The following CNOT8 variants were observed in gnomAD, a reference collection of about 807,000 sequenced individuals.
CNOT8 encodes the protein CCR4-NOT transcription complex subunit 8, also known as CAF1-like protein.
A neutral mutation model predicts 34.6 loss-of-function variants in CNOT8; 18 were observed. The observed-to-expected ratio is 0.52, with a 90% CI of 0.36 to 0.77. The LOEUF (loss-of-function observed/expected upper bound fraction) is 0.77. Ranked by LOEUF, CNOT8 falls within the 30% of genes least tolerant of loss-of-function variation. The probability of loss-of-function intolerance (pLI) is 0.00; values close to 1 mark genes in which losing one functional copy is unlikely to be tolerated. For synonymous variants in CNOT8, 101 were observed against 118.8 expected, an observed-to-expected ratio of 0.85 and a Z score of 0.98; for missense variants, 189 against 347.9, an observed-to-expected ratio of 0.54 and a Z score of 3.63.
chr5:154,863,494 A>G (rs1561678739), intron 2 of CNOT8, 99 bp downstream of exon 2: 11 of 834,718 alleles, frequency 1.3e-5, no homozygotes, highest in Non-Finnish European at 2.1e-5. Context: ...CACAGATGCA[A>G]TCATAGCTCA....
At chr5:154,870,240 T>G (rs76994491) in intron 3 of CNOT8, among the ~76,000 whole-genome samples, 1 of 141,438 alleles carries the variant, frequency 7.1e-6, no homozygotes, top group African/African-American at 2.8e-5. Flanking sequence ...GTGTGTGTTG[T>G]TTTTTTTTTG....
At chr5:154,868,179 C>T (rs771001557) in intron 3 of CNOT8, among the ~76,000 whole-genome samples, 12 of 151,936 alleles carry the variant, frequency 7.9e-5, no homozygotes, top group Non-Finnish European at 1.5e-4. Flanking sequence ...CCTTGTGATC[C>T]GCCCGCCTTG....
intron 1 of CNOT8, among the ~76,000 whole-genome samples, chr5:154,860,478 T>C (rs1005595633): frequency 6.6e-6 from 1 of 152,106 alleles, no homozygotes; most frequent in Non-Finnish European, 1.5e-5. Flanking sequence ...GGCTAAGTTT[T>C]TGTACTTTTT....
intron 4 of CNOT8, among the ~76,000 whole-genome samples, chr5:154,871,177 T>C (rs527834270): frequency 3.3e-5 from 5 of 152,342 alleles, no homozygotes; most frequent in East Asian, 3.9e-4. Flanking sequence ...TCAGTACTTT[T>C]GGATTTTTGG....
intron 1 of CNOT8, among the ~76,000 whole-genome samples, chr5:154,860,528 G>A (rs1029349766): frequency 1.3e-5 from 2 of 152,046 alleles, no homozygotes; most frequent in South Asian, 2.1e-4. Context: ...GGCTGGTCTC[G>A]AACTCCTGGC....
intron 5 of CNOT8, among the ~76,000 whole-genome samples, 157 bp from the exon 6 acceptor site, chr5:154,872,384 G>A (rs975278764): frequency 2.6e-5 from 4 of 152,202 alleles, no homozygotes; most frequent in Non-Finnish European, 5.9e-5. Flanking sequence ...TGGAAAAAGG[G>A]AATAAAAGAG....
At chr5:154,861,903 T>C (rs1042563681) in intron 1 of CNOT8, among the ~76,000 whole-genome samples, 8 of 152,220 alleles carry the variant, frequency 5.3e-5, no homozygotes, top group African/African-American at 1.9e-4. Context: ...TTTCACCGTG[T>C]TAGCCAGGAT....
intron 3 of CNOT8, among the ~76,000 whole-genome samples, chr5:154,869,699 A>G (rs985147403): frequency 6.8e-6 from 1 of 147,094 alleles, no homozygotes. Context: ...AGCTTGGCTC[A>G]CTACAACCTC....
chr5:154,870,382 T>G, intron 3 of CNOT8: 1 of 233,442 alleles, frequency 4.3e-6, no homozygotes. Context: ...CTGTGCCTGG[T>G]GTTATTGGTT....
chr5:154,868,203 C>G (rs1217155900), intron 3 of CNOT8, among the ~76,000 whole-genome samples: 1 of 151,414 alleles, frequency 6.6e-6, no homozygotes, highest in African/African-American at 2.4e-5. Flanking sequence ...TCCCAGAGTG[C>G]TGGGATTACA....
At chr5:154,864,646 C>T (rs1272176197) in intron 2 of CNOT8, among the ~76,000 whole-genome samples, 1 of 152,040 alleles carries the variant, frequency 6.6e-6, no homozygotes, top group Non-Finnish European at 1.5e-5. Flanking sequence ...GCATATCTAC[C>T]TGTAGTTACT....
At position 154,865,267 on chromosome 5, in the gene CNOT8, C is replaced by G; in HGVS notation, c.193C>G (p.Leu65Val). Residue 65 changes from leucine to valine, a missense_variant, in exon 3 of 7, where the codon CTG becomes GTG. Leu to Val is a conservative substitution (Grantham distance 32). Around this residue, in one of 2 missense-constraint regions of CNOT8, gnomAD observed 160 missense variants for 321.9 expected, o/e 0.50. Coordinates refer to ENST00000285896, the MANE Select transcript of CNOT8 (RefSeq NM_001301073.2). ...TTCCATAGATTACCAATATCAGCTT[C>G]TGCGGTGCAATGTTGACCTTTTAAA... ...RSSIDYQYQL[L>V]RCNVDLLKII... The G allele has an allele frequency of 6.2e-7, 1 of 1,613,152 alleles. No homozygotes were observed. The highest frequency in any genetic ancestry group is 8.5e-7 in the Non-Finnish European group (1 of 1,179,804).
At chr5:154,869,630 T>G (rs1244357340) in intron 3 of CNOT8, among the ~76,000 whole-genome samples, 1 of 148,422 alleles carries the variant, frequency 6.7e-6, no homozygotes, top group Non-Finnish European at 1.5e-5. Context: ...TTTTGTGTTT[T>G]TTTTTTTTTT....
intron 6 of CNOT8, among the ~76,000 whole-genome samples, chr5:154,874,144 G>T (rs977502015): frequency 4.6e-5 from 7 of 152,144 alleles, no homozygotes; most frequent in African/African-American, 1.2e-4. Context: ...CCATTGCTCT[G>T]CCTGTTAAAG....
chr5:154,874,288 A>G (rs915330257), intron 6 of CNOT8, among the ~76,000 whole-genome samples: 6 of 151,976 alleles, frequency 3.9e-5, no homozygotes, highest in Admixed American at 6.6e-5. Context: ...TTAAAAGGAA[A>G]GGTTTAGGCC....
intron 3 of CNOT8, among the ~76,000 whole-genome samples, chr5:154,867,944 T>C (rs1315806769): frequency 2.1e-5 from 3 of 145,646 alleles, no homozygotes; most frequent in Non-Finnish European, 3.0e-5. Context: ...CCTTTCCTTT[T>C]CTTTTTTTTT....
At chr5:154,872,275 A>C (rs370940892) in intron 5 of CNOT8, among the ~76,000 whole-genome samples, 1 of 152,196 alleles carries the variant, frequency 6.6e-6, no homozygotes, top group Admixed American at 6.5e-5. Context: ...GGGATTTACT[A>C]TTTCCTCAGC....
At chr5:154,873,611 G>A (rs1235339219) in intron 6 of CNOT8, among the ~76,000 whole-genome samples, 1 of 152,116 alleles carries the variant, frequency 6.6e-6, no homozygotes, top group Non-Finnish European at 1.5e-5. Context: ...GGAGTAAGAC[G>A]CTGCTTTGAA....
intron 3 of CNOT8, among the ~76,000 whole-genome samples, chr5:154,869,022 G>A (rs1400755231): frequency 1.3e-5 from 2 of 152,184 alleles, no homozygotes; most frequent in Non-Finnish European, 2.9e-5. Context: ...CATGGTGGCG[G>A]TGTCTGAGTC....
Sources: allele counts gnomAD v4.1 joint callset (sites outside exome capture counted in the v4.1 genomes callset), GRCh38; gene constraint gnomAD v4.1.1; regional missense constraint gnomAD v4.1.1; transcripts MANE v1.5; gene names NCBI Gene and HGNC (gene_info 2026-07-23, HGNC 2026-07-21).